Variants in COL6A5 observed in about 807,000 individuals in gnomAD.
COL6A5 encodes collagen alpha-5(VI) chain.
Under a neutral mutation model 65.6 loss-of-function variants are expected in COL6A5, and 48 were observed. That is an observed-to-expected ratio of 0.73 (90% CI 0.58 to 0.93). The LOEUF is 0.93. COL6A5 is among the 40% of genes least tolerant of loss of function. The pLI is 0.00. For synonymous variants in COL6A5, 291 were observed against 322.8 expected, an observed-to-expected ratio of 0.90 and a Z score of 1.05; for missense variants, 914 against 928.3, an observed-to-expected ratio of 0.98 and a Z score of 0.20.
At chr3:130,395,272 TGC>T in exon 8 of COL6A5, 1 of 1,551,682 alleles carries the variant, frequency 6.4e-7, no homozygotes, top group South Asian at 1.2e-5. Context: ...ATGTGGCAGA[TGC>T]AGTAAAAACC....
At position 130,409,323 on chromosome 3, in the gene COL6A5, C is replaced by T; in HGVS notation, c.4480-3C>T. ...ACTCAGAAATTCATTTCATTTTTTT[C>T]AGGGCAGCCCAGGTTCCAGAGGTGC... On this transcript the variant is annotated splice_region_variant and splice_polypyrimidine_tract_variant and intron_variant and NMD_transcript_variant, in intron 17 of 41. Transcript: ENST00000312481. The T allele has an allele frequency of 1.3e-6, 2 of 1,532,880 alleles. No individual in the cohort carries two copies. Among genetic ancestry groups the T allele is most frequent in the South Asian group, 1.2e-5 (1 of 80,980 alleles). The allele number at this position is 1,532,880 out of a possible 1,614,324, so 95.0% of individuals were successfully genotyped here.
exon 3 of COL6A5, chr3:130,440,313 A>G: frequency 2.5e-6 from 4 of 1,613,396 alleles, no homozygotes; most frequent in South Asian, 1.1e-5. Flanking sequence ...GTGATTGACA[A>G]CTTCAACATT....
rs78697721 is a variant in COL6A5 at position 130,363,731 on chromosome 3, C to T, written c.-28-9880C>T. Among the ~76,000 whole-genome samples the T allele has an allele frequency of 4.8e-3, 728 of 152,274 alleles. 3 individuals are homozygous for T. Among genetic ancestry groups the T allele is most frequent in the Middle Eastern group, 0.02 (6 of 294 alleles). On this transcript the variant is annotated intron_variant and NMD_transcript_variant, in intron 1 of 41. Coordinates refer to the COL6A5 transcript ENST00000312481. ...TAGAGCTCCCTGAGGTAAAACTTAA[C>T]GAAAGTGTGGGTGCCACTTTAACAC...
At chr3:130,385,709 G>A (rs982283279) in intron 5 of COL6A5, among the ~76,000 whole-genome samples, 10 of 151,958 alleles carry the variant, frequency 6.6e-5, no homozygotes, top group South Asian at 2.1e-4. Flanking sequence ...AAATAAGTAC[G>A]GGGGAAGTAC....
At chr3:130,381,430 G>A (rs1448246948) in intron 4 of COL6A5, among the ~76,000 whole-genome samples, 2 of 151,934 alleles carry the variant, frequency 1.3e-5, no homozygotes, top group East Asian at 1.9e-4. Flanking sequence ...CCAATGTTTT[G>A]TTTTTATAAA....
intron 6 of COL6A5, 134 bp downstream of exon 6, chr3:130,389,268 T>C (rs1936311595): frequency 4.0e-6 from 2 of 506,200 alleles, no homozygotes; most frequent in Non-Finnish European, 6.4e-6. Context: ...TTATGTAATA[T>C]TAAAATGCCT....
intron 1 of COL6A5, among the ~76,000 whole-genome samples, chr3:130,354,403 G>A (rs1476105339): frequency 1.3e-5 from 2 of 152,070 alleles, no homozygotes; most frequent in Non-Finnish European, 2.9e-5. Flanking sequence ...ACAGCAAGTT[G>A]AAAAAATGTC....
At chr3:130,455,408 C>T (rs1254162635) in intron 4 of COL6A5, 47 bp from the exon 37 acceptor site, 1 of 1,184,938 alleles carries the variant, frequency 8.4e-7, no homozygotes, top group Admixed American at 2.2e-5. Context: ...TATTTGCCTC[C>T]TTCTCTAAAG....
chr3:130,460,076 T>C (rs997744701), intron 5 of COL6A5, among the ~76,000 whole-genome samples: 1 of 152,118 alleles, frequency 6.6e-6, no homozygotes, highest in Non-Finnish European at 1.5e-5. Flanking sequence ...TGTATATTTT[T>C]ACTTGGGCTA....
chr3:130,388,906 A>C, exon 6 of COL6A5: 1 of 1,547,686 alleles, frequency 6.5e-7, no homozygotes, highest in Non-Finnish European at 8.7e-7. Flanking sequence ...GGGGGCCAAA[A>C]AATTTCTCAT....
intron 12 of COL6A5, among the ~76,000 whole-genome samples, chr3:130,402,200 G>A (rs1936839948): frequency 6.6e-6 from 1 of 152,124 alleles, no homozygotes; most frequent in African/African-American, 2.4e-5. Flanking sequence ...CAGCTACTTG[G>A]GAGGCTAAGG....
exon 3 of COL6A5, chr3:130,376,603 A>C: frequency 6.2e-7 from 1 of 1,609,852 alleles, no homozygotes; most frequent in Admixed American, 1.7e-5. Context: ...GCTTCGGCTG[A>C]GTCTGAGGAT....
intron 1 of COL6A5, among the ~76,000 whole-genome samples, chr3:130,436,448 A>G (rs1226690722): frequency 6.6e-6 from 1 of 151,926 alleles, no homozygotes; most frequent in East Asian, 1.9e-4. Flanking sequence ...GCAATCTCCT[A>G]GGGAAAAAAA....
At position 130,351,858 on chromosome 3, in the gene COL6A5, G is replaced by A. The variant is rs148726861; in HGVS notation, c.-29+5877G>A. ...TTCTACTATAAAGACACATGCACAC[G>A]TATGTTTATTGTGGCACTATTCACA... On this transcript the variant is annotated intron_variant and NMD_transcript_variant, in intron 1 of 41. Coordinates refer to the COL6A5 transcript ENST00000312481. 9.8e-4 allele frequency among the ~76,000 whole-genome samples: 149 copies of A among 152,126 alleles called. 1 individual carries two copies. The highest frequency in any genetic ancestry group is 3.4e-3 in the African/African-American group (142 of 41,518).
chr3:130,456,846 A>G (rs1709585656), intron 5 of COL6A5, among the ~76,000 whole-genome samples: 1 of 152,084 alleles, frequency 6.6e-6, no homozygotes, highest in South Asian at 2.1e-4. Context: ...CTTGGGTTTA[A>G]CACTTACATC....
intron 4 of COL6A5, among the ~76,000 whole-genome samples, chr3:130,444,995 C>A (rs2107707212): frequency 6.6e-6 from 1 of 152,288 alleles, no homozygotes. Flanking sequence ...AGACTCACTA[C>A]CTGATCTCCA....
intron 24 of COL6A5, among the ~76,000 whole-genome samples, chr3:130,417,795 T>C (rs1013358806): frequency 3.3e-5 from 5 of 152,174 alleles, no homozygotes; most frequent in Admixed American, 1.3e-4. Context: ...ATGAGTTTAA[T>C]GCTCTGCTGT....
intron 1 of COL6A5, among the ~76,000 whole-genome samples, chr3:130,354,062 CAAG>C (rs766040596): frequency 2.5e-4 from 31 of 126,458 alleles, no homozygotes; most frequent in Admixed American, 8.0e-4. Flanking sequence ...AGCAAGCAAA[CAAG>C]AAAGAAAAGA....
rs780293173 is a variant in COL6A5, at chr3:130,452,346, CT to C, written c.1333-3108del. ...GCCAGATATCGGGCAAAATTCACCC[CT>C]GATATTCATGTAGGTTCTTTTCTAT... On this transcript the variant is annotated intron_variant, in intron 4 of 7. Transcript: ENST00000512836. Among the ~76,000 whole-genome samples, 12 of 43,426 alleles carry C rather than the reference CT, an allele frequency of 2.8e-4. No individual in the cohort carries two copies. The South Asian group carries it at 3.7e-3, about 13-fold the overall frequency. 28.5% of individuals were successfully genotyped at this position (43,426 alleles called of 152,430 possible).
Sources: gnomAD v4.1 joint callset for allele counts (sites outside exome capture counted in the v4.1 genomes callset) on GRCh38, gnomAD v4.1.1 for gene constraint, MANE v1.5 for transcripts, NCBI Gene and HGNC (gene_info 2026-07-23, HGNC 2026-07-21) for gene names.